The following LRRC61 variants were observed in gnomAD, a reference collection of about 807,000 sequenced individuals.
The protein encoded by LRRC61 is leucine-rich repeat-containing protein 61.
LRRC61 carries 9 observed loss-of-function variants against 15.1 expected under a neutral mutation model. That is an observed-to-expected ratio of 0.60 (90% CI 0.36 to 1.04). The LOEUF is 1.04. Ranked by LOEUF, LRRC61 falls within the 50% of genes least tolerant of loss-of-function variation. The pLI is 0.01. For missense variants in LRRC61, 344 were observed against 335.6 expected (o/e 1.03, Z -0.20); for synonymous variants, 173 against 158.6 (o/e 1.09, Z -0.68).
chr7:150,320,482 G>C (rs533802982), upstream of LRRC61, among the ~76,000 whole-genome samples: 8 of 152,012 alleles, frequency 5.3e-5, no homozygotes, highest in Middle Eastern at 0.02. Flanking sequence ...CTTTTTCCAG[G>C]CCAGGCGCCA....
chr7:150,324,314 C>A (rs1797856813), intron 1 of LRRC61: 3 of 152,544 alleles, frequency 2.0e-5, no homozygotes, highest in Admixed American at 6.5e-5. Context: ...AAAGGCCTGG[C>A]ATAATCATGG....
In LRRC61 at chr7:150,335,311, T is replaced by G. The variant is rs80026872; in HGVS notation, c.-144-1407T>G. Among the ~76,000 whole-genome samples the G allele has an allele frequency of 6.6e-5, 10 of 152,368 alleles. No individual in the cohort carries two copies. Among genetic ancestry groups the G allele is most frequent in the African/African-American group, 2.4e-4 (10 of 41,588 alleles). On this transcript the variant is annotated intron_variant, in intron 2 of 2. Coordinates refer to ENST00000359623, the MANE Select transcript of LRRC61 (RefSeq NM_001142928.2). This position sits in a 1 kb window ranked among gnomAD's most constrained non-coding sequence, Gnocchi z 4.3. ...CCATTCCCACTGAGGGAATCCACAC[T>G]TCTTGGCAGATGCTTCCAGTCTCTT...
At position 150,336,820 on chromosome 7, in the gene LRRC61, A is replaced by T; in HGVS notation, c.-42A>T. 6.4e-7 allele frequency: 1 copy of T among 1,563,136 alleles called. No individual in the cohort carries two copies. Among genetic ancestry groups the T allele is most frequent in the East Asian group, 2.3e-5 (1 of 44,442 alleles). On this transcript the variant is annotated 5_prime_UTR_variant, in exon 3 of 3. Transcript: ENST00000359623. ...CTGACCCCCAGTGGAACCCTGTGAC[A>T]GTCCTGCCAGGGCCCAGGCCATCCC...
At position 150,333,709 on chromosome 7, in the gene LRRC61, T is replaced by C. The variant is rs929084134; in HGVS notation, c.-144-3009T>C. Among the ~76,000 whole-genome samples the C allele has an allele frequency of 2.0e-5, 3 of 152,214 alleles. No homozygotes were observed. The highest frequency in any genetic ancestry group is 4.4e-5 in the Non-Finnish European group (3 of 68,036). ...GGCCAGGAGGTCTCTGTTCCCTTCA[T>C]TTCCATAGTTAGGACAAGGACGGCT... On this transcript the variant is annotated intron_variant, in intron 2 of 2. Coordinates refer to ENST00000359623, the MANE Select transcript of LRRC61 (RefSeq NM_001142928.2). The surrounding 1 kb of genome is among the most constrained non-coding windows in gnomAD (Gnocchi z 4.3).
upstream of LRRC61, among the ~76,000 whole-genome samples, chr7:150,319,765 A>T (rs1585023954): frequency 2.0e-5 from 3 of 152,204 alleles, no homozygotes; most frequent in Admixed American, 1.3e-4. Flanking sequence ...CCCGAGACAG[A>T]GTTAGCAGCT....
At chr7:150,317,291 C>G in the LRRC61 span, among the ~76,000 whole-genome samples, 1 of 152,036 alleles carries the variant, frequency 6.6e-6, no homozygotes, top group Non-Finnish European at 1.5e-5. Context: ...CTCAAGTGAC[C>G]TGCCTGCCTT....
intron 1 of LRRC61, among the ~76,000 whole-genome samples, 167 bp from the exon 2 acceptor site, chr7:150,325,674 T>G (rs1473924072): frequency 6.6e-6 from 1 of 152,200 alleles, no homozygotes; most frequent in Non-Finnish European, 1.5e-5. Flanking sequence ...TTTCGCCATC[T>G]TGCCCAAGCT....
At chr7:150,327,619 G>C (rs1482953728) in intron 2 of LRRC61, among the ~76,000 whole-genome samples, 1 of 152,096 alleles carries the variant, frequency 6.6e-6, no homozygotes, top group Non-Finnish European at 1.5e-5. Flanking sequence ...AGGAGTTGGA[G>C]TCCAGCCTGG....
upstream of LRRC61, among the ~76,000 whole-genome samples, chr7:150,322,314 C>A (rs1301583586): frequency 6.6e-6 from 1 of 152,214 alleles, no homozygotes; most frequent in Non-Finnish European, 1.5e-5. Flanking sequence ...CAGGATGAGA[C>A]AGAAGGTTGG....
rs143518005 is a variant in LRRC61, at chr7:150,330,427, C to T, written c.-145+4417C>T. 55 of 773,380 alleles carry T rather than the reference C, an allele frequency of 7.1e-5. No individual in the cohort carries two copies. The highest frequency in any genetic ancestry group is 8.5e-5 in the Admixed American group (5 of 59,008). The allele number at this position is 773,380 out of a possible 1,614,324, so 47.9% of individuals were successfully genotyped here. ...CAGATGGTGGTCCGCGAGGCGAGTGCGGCACAGGCCTCTCTGAGCCAGGTG... is the reference window on the plus strand; with the variant it reads ...CAGATGGTGGTCCGCGAGGCGAGTGTGGCACAGGCCTCTCTGAGCCAGGTG... On this transcript the variant is annotated intron_variant, in intron 2 of 2. Coordinates refer to ENST00000359623, the MANE Select transcript of LRRC61 (RefSeq NM_001142928.2). This position sits in a 1 kb window ranked among gnomAD's most constrained non-coding sequence, Gnocchi z 4.6.
At chr7:150,328,748 G>T (rs1295250250) in intron 2 of LRRC61, 1 of 152,248 alleles carries the variant, frequency 6.6e-6, no homozygotes, top group Non-Finnish European at 1.5e-5. Context: ...GAAACGTTAA[G>T]AATTTTAGTT....
intron 2 of LRRC61, among the ~76,000 whole-genome samples, chr7:150,327,148 CTTT>C (rs59527488): frequency 7.0e-6 from 1 of 142,932 alleles, no homozygotes; most frequent in Admixed American, 6.9e-5. Context: ...TCTTTTTTAT[CTTT>C]TTTTTTTTTT....
intron 2 of LRRC61, chr7:150,331,268 T>C (rs943769098): frequency 1.3e-6 from 1 of 751,502 alleles, no homozygotes; most frequent in Non-Finnish European, 2.1e-6. Flanking sequence ...AGTGGTGACC[T>C]GGCCAAGGGG....
At chr7:150,329,054 A>T (rs1328997268) in intron 2 of LRRC61, among the ~76,000 whole-genome samples, 4 of 152,214 alleles carry the variant, frequency 2.6e-5, no homozygotes, top group African/African-American at 9.7e-5. Flanking sequence ...GTTGAAACCT[A>T]GTCTCCCGTG....
At position 150,337,497 on chromosome 7, in the gene LRRC61, C is replaced by T; in HGVS notation, c.636C>T (p.Ser212=). 1 of 1,602,668 alleles carries T rather than the reference C, an allele frequency of 6.2e-7. No individual in the cohort carries two copies. Among genetic ancestry groups the T allele is most frequent in the Non-Finnish European group, 8.5e-7 (1 of 1,179,026 alleles). Residue 212 remains serine (S), a synonymous_variant, in exon 3 of 3, where the codon AGC becomes AGT. Coordinates refer to ENST00000359623, the MANE Select transcript of LRRC61 (RefSeq NM_001142928.2). The stretch of plus-strand genomic sequence containing the variant: ...ACTGGGAGTCCTGGCCCAGCCGGAG[C>T]AGCTCCATCCTGGAGGAGGCCTGCC... ...PGYWESWPSR[S]SSILEEACRQ... is the part of the protein sequence containing the mutation.
rs780657679 is a variant in LRRC61 at position 150,330,783 on chromosome 7, AG to A, written c.-145+4777del. 6.2e-7 allele frequency: 1 copy of A among 1,613,688 alleles called. No homozygotes were observed. Among genetic ancestry groups the A allele is most frequent in the East Asian group, 2.2e-5 (1 of 44,872 alleles). On this transcript the variant is annotated intron_variant, in intron 2 of 2. Coordinates refer to ENST00000359623, the MANE Select transcript of LRRC61 (RefSeq NM_001142928.2). The surrounding 1 kb of genome is among the most constrained non-coding windows in gnomAD (Gnocchi z 4.6). ...CTCCCCAAGTCCCCTGCAAAGCCCC[AG>A]GGGTCTGTGCGTGGACCCCACCAGG...
chr7:150,328,167 G>GC (rs1798003472), intron 2 of LRRC61, among the ~76,000 whole-genome samples: 1 of 152,304 alleles, frequency 6.6e-6, no homozygotes, highest in East Asian at 1.9e-4. Context: ...TAGGTGAATG[G>GC]AGAAGAAGGT....
upstream of LRRC61, among the ~76,000 whole-genome samples, chr7:150,319,085 A>T (rs1477373650): frequency 2.0e-5 from 3 of 152,192 alleles, no homozygotes; most frequent in East Asian, 5.8e-4. Flanking sequence ...TTACTGAGCA[A>T]GTCTTGTCAA....
upstream of LRRC61, among the ~76,000 whole-genome samples, chr7:150,320,765 A>G (rs1207785900): frequency 2.0e-5 from 3 of 152,294 alleles, no homozygotes; most frequent in African/African-American, 7.2e-5. Flanking sequence ...TCCATCTCCA[A>G]AACAAAAACA....
Sources: allele counts gnomAD v4.1 joint callset (sites outside exome capture counted in the v4.1 genomes callset), GRCh38; gene constraint gnomAD v4.1.1; non-coding constraint Gnocchi (gnomAD v3.1); transcripts MANE v1.5; gene names NCBI Gene and HGNC (gene_info 2026-07-23, HGNC 2026-07-21).